The following FOXN3 variants were observed in gnomAD, a reference collection of about 807,000 sequenced individuals.
The protein encoded by FOXN3 is forkhead box protein N3.
A neutral mutation model predicts 38.4 loss-of-function variants in FOXN3; 7 were observed. That is an observed-to-expected ratio of 0.18 (90% CI 0.10 to 0.34). The LOEUF is 0.34. FOXN3 is among the 10% of genes least tolerant of loss of function. The probability of loss-of-function intolerance (pLI) is 1.00; values close to 1 mark genes in which losing one functional copy is unlikely to be tolerated. For synonymous variants in FOXN3, 230 were observed against 242.2 expected, an observed-to-expected ratio of 0.95 and a Z score of 0.47; for missense variants, 456 against 613.4, an observed-to-expected ratio of 0.74 and a Z score of 2.71.
At chr14:89,219,773 A>G (rs1596110977) in intron 4 of FOXN3, among the ~76,000 whole-genome samples, 1 of 152,202 alleles carries the variant, frequency 6.6e-6, no homozygotes, top group South Asian at 2.1e-4. Flanking sequence ...TTGTCAATGA[A>G]TGTTAGCTAC....
At chr14:89,288,652 CTGTAATAGGCACTCTCTT>C (rs143033382) in intron 3 of FOXN3, among the ~76,000 whole-genome samples, 8 of 51,246 alleles carry the variant, frequency 1.6e-4, no homozygotes, top group African/African-American at 4.1e-4. Context: ...ACTCCAAAGG[CTGTAATAGGCACTCTCTT>C]TCTCTCTCTC....
intron 1 of FOXN3, among the ~76,000 whole-genome samples, chr14:89,608,737 A>T (rs1018540206): frequency 1.8e-4 from 28 of 152,226 alleles, no homozygotes; most frequent in African/African-American, 6.5e-4. Flanking sequence ...GCACTATCAT[A>T]GGCGAAGAAC....
At chr14:89,253,256 CG>C (rs1456978069) in intron 4 of FOXN3, among the ~76,000 whole-genome samples, 1 of 152,060 alleles carries the variant, frequency 6.6e-6, no homozygotes, top group Non-Finnish European at 1.5e-5. Flanking sequence ...TCACCGGCAT[CG>C]CGGAAAAGAG....
intron 3 of FOXN3, among the ~76,000 whole-genome samples, chr14:89,283,086 G>C (rs759793093): frequency 2.0e-5 from 3 of 152,098 alleles, no homozygotes; most frequent in Non-Finnish European, 4.4e-5. Context: ...TCTCTTTCCA[G>C]CTCAGGGTAA....
chr14:89,471,758 G>C lies in FOXN3; in HGVS notation c.-14-59268C>G, dbSNP rs1169665612. On this transcript the variant is annotated intron_variant, in intron 1 of 6. Transcript: ENST00000345097. ...CATTTCCCTGCCTGCCTGAAGTTAG[G>C]GGTGGCCAGCTATGGCCAATAAAAT... is the stretch of plus-strand genomic sequence containing the variant. 2.0e-5 allele frequency among the ~76,000 whole-genome samples: 3 copies of C among 152,130 alleles called. No individual in the cohort carries two copies. The East Asian group carries it at 5.8e-4, about 29-fold the overall frequency.
intron 1 of FOXN3, among the ~76,000 whole-genome samples, chr14:89,567,823 C>T (rs537407843): frequency 3.2e-4 from 48 of 151,070 alleles, no homozygotes; most frequent in Non-Finnish European, 4.7e-4. Context: ...CCCGGGTTCA[C>T]GCCATTCTCC....
chr14:89,472,884 C>A (rs757511931), intron 1 of FOXN3, among the ~76,000 whole-genome samples: 2 of 152,122 alleles, frequency 1.3e-5, no homozygotes, highest in Non-Finnish European at 2.9e-5. Context: ...ATTTCCATAA[C>A]CCTTCTGTGA....
intron 3 of FOXN3, among the ~76,000 whole-genome samples, chr14:89,289,140 C>A (rs547870638): frequency 1.3e-5 from 2 of 148,716 alleles, no homozygotes; most frequent in African/African-American, 5.0e-5. Context: ...CGAGATCATG[C>A]CACTGTACTC....
chr14:89,275,688 T>C (rs1310319914), intron 4 of FOXN3, among the ~76,000 whole-genome samples: 2 of 152,202 alleles, frequency 1.3e-5, no homozygotes, highest in Non-Finnish European at 2.9e-5. Flanking sequence ...ATAAACGCTG[T>C]TACTCCCAAG....
chr14:89,474,604 G>A (rs948762463), intron 1 of FOXN3, among the ~76,000 whole-genome samples: 4 of 152,034 alleles, frequency 2.6e-5, no homozygotes, highest in African/African-American at 7.2e-5. Flanking sequence ...AACAATTTGC[G>A]GCAATCAGAC....
chr14:89,523,951 C>T lies in FOXN3; in HGVS notation c.-15+95077G>A, dbSNP rs776202395. Among the ~76,000 whole-genome samples the T allele has an allele frequency of 9.2e-5, 14 of 151,570 alleles. 1 individual carries two copies. The Middle Eastern group carries it at 0.01, about 110-fold the overall frequency. On this transcript the variant is annotated intron_variant, in intron 1 of 6. Coordinates refer to the FOXN3 transcript ENST00000345097. Reference sequence around the variant, plus strand: ...CTAATTTTTGTATTTTTAGTACAGACGGGGTTTCACCATGTTGGTGAGGCT... The same window carrying T: ...CTAATTTTTGTATTTTTAGTACAGATGGGGTTTCACCATGTTGGTGAGGCT...
chr14:89,204,071 AC>A (rs1409785708), intron 4 of FOXN3, among the ~76,000 whole-genome samples: 2 of 142,532 alleles, frequency 1.4e-5, no homozygotes, highest in African/African-American at 5.6e-5. Context: ...ACACACACAC[AC>A]ACACACACAC....
chr14:89,370,485 C>G (rs1890286031), intron 2 of FOXN3, among the ~76,000 whole-genome samples: 1 of 152,170 alleles, frequency 6.6e-6, no homozygotes. Flanking sequence ...AAGGGCTGTA[C>G]CAAAACACAC....
chr14:89,255,754 C>A (rs1324822994), intron 4 of FOXN3, among the ~76,000 whole-genome samples: 2 of 152,182 alleles, frequency 1.3e-5, no homozygotes, highest in African/African-American at 2.4e-5. Context: ...AACTAAACCA[C>A]TAACAAGGCC....
At chr14:89,201,574 G>A (rs56282122) in intron 4 of FOXN3, among the ~76,000 whole-genome samples, 3,314 of 152,272 alleles carry the variant, frequency 0.022, 52 homozygotes, top group Non-Finnish European at 0.032. Context: ...GATGTGCCAC[G>A]GCCAGAAGCC....
chr14:89,226,500 T>C (rs1810796843), intron 4 of FOXN3, among the ~76,000 whole-genome samples: 1 of 152,152 alleles, frequency 6.6e-6, no homozygotes, highest in Non-Finnish European at 1.5e-5. Flanking sequence ...GGTCTCGAAC[T>C]CCTGGCCTCA....
chr14:89,576,307 G>A (rs1256406322), intron 1 of FOXN3: 1 of 152,148 alleles, frequency 6.6e-6, no homozygotes, highest in Non-Finnish European at 1.5e-5. Context: ...ATACGCCCCT[G>A]CGTACTCATG....
chr14:89,595,274 G>A (rs866169119), intron 1 of FOXN3, among the ~76,000 whole-genome samples: 54 of 151,612 alleles, frequency 3.6e-4, no homozygotes, highest in African/African-American at 5.6e-4. Flanking sequence ...GCAGTGAGCC[G>A]AGATCACGCC....
intron 1 of FOXN3, among the ~76,000 whole-genome samples, chr14:89,520,294 G>A (rs574148520): frequency 9.9e-5 from 15 of 152,224 alleles, no homozygotes; most frequent in African/African-American, 3.6e-4. Flanking sequence ...GCAAGTTGGC[G>A]CGATCACAGC....
Sources: gnomAD v4.1 joint callset for allele counts (sites outside exome capture counted in the v4.1 genomes callset) on GRCh38, gnomAD v4.1.1 for gene constraint, MANE v1.5 for transcripts, NCBI Gene and HGNC (gene_info 2026-07-23, HGNC 2026-07-21) for gene names.